The following NPAS3 variants were observed in gnomAD, a reference collection of about 807,000 sequenced individuals.
NPAS3 encodes the protein neuronal PAS domain protein 3, also known as neuronal PAS domain-containing protein 3.
A neutral mutation model predicts 73.1 loss-of-function variants in NPAS3; 14 were observed. The ratio of observed to expected loss-of-function variants is 0.19; its 90% CI spans 0.13 to 0.30. NPAS3 has a LOEUF of 0.30. Among genes scored for constraint, NPAS3 ranks in the 10% least tolerant of loss-of-function variants. NPAS3 has a pLI of 1.00. For synonymous variants in NPAS3, 620 were observed against 541.5 expected, an observed-to-expected ratio of 1.14 and a Z score of -2.01; for missense variants, 1,096 against 1,250.0, an observed-to-expected ratio of 0.88 and a Z score of 1.86.
intron 3 of NPAS3, among the ~76,000 whole-genome samples, chr14:33,268,328 T>A (rs1461041732): frequency 6.6e-6 from 1 of 152,178 alleles, no homozygotes. Context: ...CCTTCCTGTA[T>A]AAATTTACGA....
chr14:33,601,142 A>G (rs919333427), intron 5 of NPAS3, among the ~76,000 whole-genome samples: 6 of 152,228 alleles, frequency 3.9e-5, no homozygotes, highest in African/African-American at 1.4e-4. Flanking sequence ...CAGACTATCC[A>G]TTCAGAATTT....
intron 2 of NPAS3, among the ~76,000 whole-genome samples, chr14:33,123,657 A>T (rs2043316662): frequency 6.6e-6 from 1 of 152,036 alleles, no homozygotes; most frequent in South Asian, 2.1e-4. Flanking sequence ...GGCCCCAAGA[A>T]AAAGAAAAAC....
intron 2 of NPAS3, among the ~76,000 whole-genome samples, chr14:33,121,589 C>T (rs1240888858): frequency 6.6e-6 from 1 of 152,134 alleles, no homozygotes; most frequent in Non-Finnish European, 1.5e-5. Context: ...TTTTAGCAAT[C>T]AGAACTGCTA....
intron 1 of NPAS3, among the ~76,000 whole-genome samples, chr14:32,997,888 C>G (rs568128040): frequency 6.6e-6 from 1 of 152,086 alleles, no homozygotes; most frequent in Non-Finnish European, 1.5e-5. Context: ...TCCCTAGTCT[C>G]GCGTATGTCT....
intron 4 of NPAS3, among the ~76,000 whole-genome samples, chr14:33,470,666 G>T (rs927407665): frequency 1.3e-5 from 2 of 152,106 alleles, no homozygotes; most frequent in Non-Finnish European, 2.9e-5. Context: ...TTTAACAGTT[G>T]CCAAAGGATC....
intron 2 of NPAS3, among the ~76,000 whole-genome samples, chr14:33,057,930 GGTACACAA>G (rs1350891412): frequency 6.6e-6 from 1 of 152,018 alleles, no homozygotes; most frequent in East Asian, 1.9e-4. Context: ...AAAAGCATGT[GGTACACAA>G]GCACACTGAA....
rs78043255 is a variant in NPAS3, at chr14:33,587,753, T to G, written c.558+27543T>G. ...TTTTTGAAGAAGCTAATTTTATGAC[T>G]CATTTGGGTTGGATCACTTTAATCT... On this transcript the variant is annotated intron_variant, in intron 5 of 11. Transcript: ENST00000356141. Among the ~76,000 whole-genome samples the G allele has an allele frequency of 0.013, 2,015 of 152,326 alleles. 106 individuals are homozygous for G. In the East Asian group the frequency reaches 0.19, roughly 15 times the overall value.
At chr14:33,314,534 A>G (rs1317146358) in intron 3 of NPAS3, among the ~76,000 whole-genome samples, 1 of 152,000 alleles carries the variant, frequency 6.6e-6, no homozygotes, top group Non-Finnish European at 1.5e-5. Context: ...GGTGGTGGTG[A>G]TTATTTAAAA....
At chr14:33,766,480 C>T (rs2062466810) in intron 7 of NPAS3, among the ~76,000 whole-genome samples, 1 of 152,176 alleles carries the variant, frequency 6.6e-6, no homozygotes, top group Admixed American at 6.5e-5. Context: ...GGACTGGTTT[C>T]TACCAGCCTT....
chr14:33,470,447 G>A (rs1015112619), intron 4 of NPAS3, among the ~76,000 whole-genome samples: 8 of 152,122 alleles, frequency 5.3e-5, no homozygotes, highest in South Asian at 2.1e-4. Context: ...AATAGGGTCC[G>A]TATTGAACCA....
chr14:33,603,532 A>C (rs1293416374), intron 5 of NPAS3, among the ~76,000 whole-genome samples: 1 of 152,192 alleles, frequency 6.6e-6, no homozygotes, highest in African/African-American at 2.4e-5. Flanking sequence ...ACATATTATA[A>C]TTAAGTTGCT....
At position 33,653,130 on chromosome 14, in the gene NPAS3, C is replaced by T. The variant is rs973817111; in HGVS notation, c.559-23081C>T. ...GTGTGTACATGTCTCTTATCGTGAG[C>T]CACCTTGAATCTCTTTGGGAAGCAA... is the stretch of plus-strand genomic sequence containing the variant. On this transcript the variant is annotated intron_variant, in intron 5 of 11. Transcript: ENST00000356141. Among the ~76,000 whole-genome samples, 3 of 152,196 alleles carry T rather than the reference C, an allele frequency of 2.0e-5. No individual in the cohort carries two copies. The South Asian group carries it at 6.2e-4, about 32-fold the overall frequency.
intron 3 of NPAS3, among the ~76,000 whole-genome samples, chr14:33,256,035 T>A (rs1360352292): frequency 2.0e-5 from 3 of 152,176 alleles, no homozygotes; most frequent in Non-Finnish European, 1.5e-5. Flanking sequence ...CATAAAAAAA[T>A]TTCCTGTTTT....
intron 3 of NPAS3, among the ~76,000 whole-genome samples, chr14:33,268,314 G>T (rs1474114817): frequency 6.6e-5 from 10 of 152,100 alleles, no homozygotes; most frequent in Non-Finnish European, 2.9e-5. Flanking sequence ...TAGACTTTTT[G>T]ACTCCTTCCT....
chr14:33,559,741 G>A lies in NPAS3; in HGVS notation c.469-380G>A, dbSNP rs186367409. ...AGACGGTCTTAAATTCAGCGTGGCC[G>A]GGCGCGGTGGCTTACGCCTGTAATC... On this transcript the variant is annotated intron_variant, in intron 4 of 11. Transcript: ENST00000356141. Among the ~76,000 whole-genome samples the A allele has an allele frequency of 4.6e-5, 7 of 152,316 alleles. No individual in the cohort carries two copies. In the East Asian group the frequency reaches 7.7e-4, roughly 17 times the overall value.
chr14:33,104,645 G>A lies in NPAS3; in HGVS notation c.140+48651G>A, dbSNP rs578093125. On this transcript the variant is annotated intron_variant, in intron 2 of 11. Transcript: ENST00000356141. ...CGTAGTGTTGGATGCCAGTTGGCCA[G>A]ACATGGGAACATTTAGATTTTGTTT... Among the ~76,000 whole-genome samples, 54 of 152,320 alleles carry A rather than the reference G, an allele frequency of 3.5e-4. 1 individual carries two copies. The highest frequency in any genetic ancestry group is 3.5e-3 in the Admixed American group (54 of 15,288).
chr14:33,449,759 TC>T (rs545448435), intron 4 of NPAS3, among the ~76,000 whole-genome samples: 2 of 152,026 alleles, frequency 1.3e-5, no homozygotes, highest in African/African-American at 2.4e-5. Context: ...CCTCTTTTAT[TC>T]CCCCCCAGGC....
At chr14:33,588,160 C>T (rs1045632488) in intron 5 of NPAS3, among the ~76,000 whole-genome samples, 5 of 152,180 alleles carry the variant, frequency 3.3e-5, no homozygotes, top group African/African-American at 9.7e-5. Flanking sequence ...GTCAAACAGG[C>T]CTATAAAGCA....
intron 2 of NPAS3, among the ~76,000 whole-genome samples, chr14:33,123,011 A>T (rs1369258191): frequency 6.6e-6 from 1 of 152,146 alleles, no homozygotes; most frequent in Non-Finnish European, 1.5e-5. Flanking sequence ...TTAAGGAAAT[A>T]TTTATTAAAA....
Sources: gnomAD v4.1 joint callset for allele counts (sites outside exome capture counted in the v4.1 genomes callset) on GRCh38, gnomAD v4.1.1 for gene constraint, MANE v1.5 for transcripts, NCBI Gene and HGNC (gene_info 2026-07-23, HGNC 2026-07-21) for gene names.